Variants in VPS13A observed in about 807,000 individuals in gnomAD.
VPS13A encodes vacuolar protein sorting 13 homolog A.
VPS13A carries 264 observed loss-of-function variants against 390.9 expected under a neutral mutation model. The ratio of observed to expected loss-of-function variants is 0.68; its 90% confidence interval spans 0.61 to 0.75. VPS13A has a LOEUF of 0.75. VPS13A is among the 30% of genes least tolerant of loss of function. The probability of loss-of-function intolerance (pLI) is 0.00; values close to 1 mark genes in which losing one functional copy is unlikely to be tolerated. For missense variants in VPS13A, 3,409 were observed against 3,733.9 expected (o/e 0.91, Z 2.27); for synonymous variants, 1,231 against 1,227.1 (o/e 1.00, Z -0.07).
At chr9:77,246,276 A>G (rs1021970019) in intron 19 of VPS13A, among the ~76,000 whole-genome samples, 2 of 152,150 alleles carry the variant, frequency 1.3e-5, no homozygotes, top group African/African-American at 2.4e-5. Flanking sequence ...TTGTATATCA[A>G]GCTGATTATG....
At chr9:77,298,687 T>G (rs1828156596) in intron 33 of VPS13A, among the ~76,000 whole-genome samples, 2 of 152,116 alleles carry the variant, frequency 1.3e-5, no homozygotes, top group African/African-American at 4.8e-5. Context: ...AGAGGTGATA[T>G]AGTTTGGCCA....
At chr9:77,355,156 T>C (rs2131550200) in intron 54 of VPS13A, among the ~76,000 whole-genome samples, 1 of 152,344 alleles carries the variant, frequency 6.6e-6, no homozygotes, top group Middle Eastern at 3.4e-3. Flanking sequence ...GAACTTAACA[T>C]ATCCTGTGTT....
intron 13 of VPS13A, among the ~76,000 whole-genome samples, chr9:77,222,350 C>T (rs1174909681): frequency 6.6e-6 from 1 of 152,072 alleles, no homozygotes; most frequent in Non-Finnish European, 1.5e-5. Context: ...TTGGGGGAAA[C>T]ATAGTTTGAT....
intron 34 of VPS13A, 95 bp from the exon 35 acceptor site, chr9:77,307,850 A>G: frequency 3.0e-6 from 3 of 997,478 alleles, no homozygotes; most frequent in Admixed American, 2.2e-5. Context: ...GGATTGAAAC[A>G]GTCTTTCATT....
At chr9:77,241,845 A>G (rs1824519073) in intron 19 of VPS13A, among the ~76,000 whole-genome samples, 1 of 152,152 alleles carries the variant, frequency 6.6e-6, no homozygotes, top group African/African-American at 2.4e-5. Context: ...TCACAGAGGT[A>G]TTACCTTTTT....
At chr9:77,330,516 AC>A (rs1241961870) in intron 45 of VPS13A, among the ~76,000 whole-genome samples, 11 of 152,184 alleles carry the variant, frequency 7.2e-5, no homozygotes, top group African/African-American at 2.7e-4. Context: ...AACTAACTTC[AC>A]ATTCCAAACA....
At chr9:77,260,266 AG>A in intron 23 of VPS13A, 42 bp downstream of exon 23, 1 of 1,597,246 alleles carries the variant, frequency 6.3e-7, no homozygotes. Context: ...GAATTAAGAA[AG>A]TCCACAAATA....
rs755788493 is a variant in VPS13A, at chr9:77,319,568, G to C, written c.5314-4G>C. 1.3e-6 allele frequency: 2 copies of C among 1,566,860 alleles called. No homozygotes were observed. Among genetic ancestry groups the C allele is most frequent in the Non-Finnish European group, 1.8e-6 (2 of 1,137,944 alleles). ...ATTTTTAATTTAAAAAATTCTCTCT[G>C]TAGGTGCATTATTATAATGAAATGT... On this transcript the variant is annotated splice_region_variant and splice_polypyrimidine_tract_variant and intron_variant, in intron 41 of 71. Coordinates refer to ENST00000360280, the MANE Select transcript of VPS13A (RefSeq NM_033305.3).
At chr9:77,185,483 G>A (rs1397415045) in intron 1 of VPS13A, among the ~76,000 whole-genome samples, 1 of 152,134 alleles carries the variant, frequency 6.6e-6, no homozygotes, top group Non-Finnish European at 1.5e-5. Context: ...TTATTTAATT[G>A]AATTATAGTT....
At chr9:77,388,786 T>C (rs2131625527) in intron 68 of VPS13A, among the ~76,000 whole-genome samples, 1 of 152,330 alleles carries the variant, frequency 6.6e-6, no homozygotes, top group Non-Finnish European at 1.5e-5. Context: ...GTTATATTTT[T>C]CTACTATAAA....
rs560636518 is a variant in VPS13A at position 77,297,086 on chromosome 9, T to A, written c.3812+1240T>A. Among the ~76,000 whole-genome samples, 50 of 152,240 alleles carry A rather than the reference T, an allele frequency of 3.3e-4. 1 individual carries two copies. Among genetic ancestry groups the A allele is most frequent in the African/African-American group, 1.1e-3 (47 of 41,576 alleles). Reference sequence around the variant, plus strand: ...TCTTAAGCAGTTTTTGGTTTTATTTTTTTTTCTTTTTTTGTTTTCTCATTC... The same window carrying A: ...TCTTAAGCAGTTTTTGGTTTTATTTATTTTTCTTTTTTTGTTTTCTCATTC... On this transcript the variant is annotated intron_variant, in intron 33 of 71. Coordinates refer to ENST00000360280, the MANE Select transcript of VPS13A (RefSeq NM_033305.3).
intron 68 of VPS13A, among the ~76,000 whole-genome samples, chr9:77,398,282 A>G (rs1834200884): frequency 6.6e-6 from 1 of 152,182 alleles, no homozygotes; most frequent in African/African-American, 2.4e-5. Flanking sequence ...AAGAAACATC[A>G]TGATATGTTT....
At chr9:77,354,501 A>ATAATACATGG (rs1488716112) in intron 54 of VPS13A, among the ~76,000 whole-genome samples, 1 of 152,320 alleles carries the variant, frequency 6.6e-6, no homozygotes, top group East Asian at 1.9e-4. Flanking sequence ...GCAAAGATGA[A>ATAATACATGG]TAATACATGG....
At chr9:77,310,763 T>C (rs891388081) in intron 35 of VPS13A, among the ~76,000 whole-genome samples, 3 of 152,100 alleles carry the variant, frequency 2.0e-5, no homozygotes, top group Admixed American at 2.0e-4. Context: ...GGGAAACAAA[T>C]AGTAAAGCCT....
intron 69 of VPS13A, among the ~76,000 whole-genome samples, chr9:77,404,924 G>A (rs1169329657): frequency 1.3e-5 from 2 of 152,082 alleles, no homozygotes; most frequent in East Asian, 3.9e-4. Context: ...GACAGAAGAT[G>A]GAAGTGAGAG....
At chr9:77,361,724 G>C (rs1228282634) in intron 59 of VPS13A, among the ~76,000 whole-genome samples, 2 of 152,040 alleles carry the variant, frequency 1.3e-5, no homozygotes, top group African/African-American at 4.8e-5. Context: ...GGGACTGTTA[G>C]GCAGTTGTGC....
chr9:77,371,809 C>T (rs1443009249), intron 67 of VPS13A, among the ~76,000 whole-genome samples: 1 of 107,378 alleles, frequency 9.3e-6, no homozygotes, highest in African/African-American at 3.5e-5. Context: ...CCTCCCCCCT[C>T]CCCCCTCCCC....
At chr9:77,362,303 A>G (rs1210289915) in intron 59 of VPS13A, among the ~76,000 whole-genome samples, 3 of 152,116 alleles carry the variant, frequency 2.0e-5, no homozygotes, top group Non-Finnish European at 4.4e-5. Flanking sequence ...TCTTTGATCA[A>G]TTTTTAGTTC....
Position 77,221,310 on chromosome 9 carries a change from A to C in VPS13A, c.1115A>C (p.Lys372Thr), listed in dbSNP as rs199629891. The C allele has an allele frequency of 1.2e-6, 2 of 1,613,382 alleles. No individual in the cohort carries two copies. Among genetic ancestry groups the C allele is most frequent in the Non-Finnish European group, 1.7e-6 (2 of 1,179,510 alleles). The change falls in exon 13 of 72, where the codon AAG becomes ACG. Residue 372 changes from lysine (K) to threonine (T), a missense_variant. By Grantham distance (78) the Lys-to-Thr change is moderately conservative. This residue lies in a region of VPS13A where 2,717 missense variants were observed against 2,917.4 expected (regional missense o/e 0.93). Transcript: ENST00000360280. ...CAATATAAAGAACTGTATAAAAAAA[A>C]GTTAACAAGTAAGAAGCCACCTGGT... ...VKQYKELYKK[K>T]LTSKKPPGEL... is the part of the protein sequence containing the mutation.
Sources: allele counts gnomAD v4.1 joint callset (sites outside exome capture counted in the v4.1 genomes callset), GRCh38; gene constraint gnomAD v4.1.1; regional missense constraint gnomAD v4.1.1; transcripts MANE v1.5; gene names NCBI Gene and HGNC (gene_info 2026-07-23, HGNC 2026-07-21).